ABCG8: variants seen among roughly 807,000 people sequenced by gnomAD.
ABCG8 encodes ATP-binding cassette sub-family G member 8.
In ABCG8, 81 loss-of-function variants were observed where a neutral mutation model predicts 71.3. That is an observed-to-expected ratio of 1.14 (90% CI 0.95 to 1.37). ABCG8 has a LOEUF of 1.37. Among genes scored for constraint, ABCG8 ranks in the 40% most tolerant of loss-of-function variants. ABCG8 has a pLI of 0.00. For synonymous variants in ABCG8, 451 were observed against 354.7 expected, an observed-to-expected ratio of 1.27 and a Z score of -3.05; for missense variants, 1,119 against 866.2, an observed-to-expected ratio of 1.29 and a Z score of -3.66.
chr2:43,852,845 A>T lies in ABCG8; in HGVS notation c.941A>T (p.Tyr314Phe). 6.2e-7 allele frequency: 1 copy of T among 1,614,076 alleles called. No individual in the cohort carries two copies. The highest frequency in any genetic ancestry group is 8.5e-7 in the Non-Finnish European group (1 of 1,180,014). ...GCCATCGGCTACCCCTGTCCTCGCTACAGCAATCCTGCTGACTTCTATGGT... is the reference window on the plus strand; with the variant it reads ...GCCATCGGCTACCCCTGTCCTCGCTTCAGCAATCCTGCTGACTTCTATGGT... The part of the protein sequence containing the change: ...FTAIGYPCPR[Y>F]SNPADFYVDL... The change falls in exon 6 of 13, where the codon TAC becomes TTC. Residue 314 changes from tyrosine (Y) to phenylalanine (F), a missense_variant. By Grantham distance (22) the Tyr-to-Phe change is conservative. Coordinates refer to ENST00000272286, the MANE Select transcript of ABCG8 (RefSeq NM_022437.3).
chr2:43,875,439 C>T (rs1275255382), intron 11 of ABCG8, 26 bp downstream of exon 11: 1 of 1,607,710 alleles, frequency 6.2e-7, no homozygotes, highest in South Asian at 1.1e-5. Context: ...GGGGCCTGGG[C>T]CAGCTTTGTT....
Position 43,851,774 on chromosome 2 carries a change from C to T in ABCG8, c.513C>T (p.Ala171=), listed in dbSNP as rs922692101. The change falls in exon 4 of 13, where the codon GCC becomes GCT. Residue 171 remains alanine, a synonymous_variant. Coordinates refer to ENST00000272286, the MANE Select transcript of ABCG8 (RefSeq NM_022437.3). The part of the protein sequence containing the change: ...LTVRETLAFI[A]QMRLPRTFSQ... ...TGCGAGAGACCTTGGCCTTCATTGC[C>T]CAGATGCGGCTGCCCAGAACCTTCT... 1 of 1,614,240 alleles carries T rather than the reference C, an allele frequency of 6.2e-7. No individual in the cohort carries two copies. The highest frequency in any genetic ancestry group is 1.7e-5 in the Admixed American group (1 of 60,028).
chr2:43,842,553 G>T (rs1668612761), intron 1 of ABCG8, among the ~76,000 whole-genome samples: 1 of 151,918 alleles, frequency 6.6e-6, no homozygotes, highest in Non-Finnish European at 1.5e-5. Flanking sequence ...GGGTTGAGGT[G>T]GGAATGGAAC....
At chr2:43,873,317 T>C (rs1181677258) in intron 8 of ABCG8, among the ~76,000 whole-genome samples, 1 of 151,612 alleles carries the variant, frequency 6.6e-6, no homozygotes, top group African/African-American at 2.4e-5. Context: ...GCCTCCCAAG[T>C]AGCTGGGATT....
In ABCG8 at chr2:43,872,138, G is replaced by A. The variant is rs757910244; in HGVS notation, c.1127G>A (p.Ser376Asn). ...CTTGACGAGGACACCTGTGTGGAAA[G>A]GTAAGGTGGCAGGCGACTCTGAGAG... ...KDLDEDTCVE[S>N]SVTPLDTNCL... The change falls in exon 7 of 13, where the codon AGC becomes AAC. Residue 376 changes from serine to asparagine, a missense_variant and splice_region_variant. Ser to Asn is a conservative substitution (Grantham distance 46, BLOSUM62 1). Coordinates refer to ENST00000272286, the MANE Select transcript of ABCG8 (RefSeq NM_022437.3). 10 of 1,614,096 alleles carry A rather than the reference G, an allele frequency of 6.2e-6. No individual in the cohort carries two copies. The South Asian group carries it at 1.1e-4, about 18-fold the overall frequency.
rs1670154308 is a variant in ABCG8, at chr2:43,882,303, A to G, written c.*4390A>G. The G allele has an allele frequency of 6.6e-6, 1 of 152,242 alleles. No individual in the cohort carries two copies. Among genetic ancestry groups the G allele is most frequent in the South Asian group, 2.1e-4 (1 of 4,828 alleles). 9.4% of individuals were successfully genotyped at this position (152,242 alleles called of 1,614,324 possible). ...GATCCCAAATTAAACAACTAGCAAC[A>G]GAAATGTTCAAATCTGTCAAATCCA... On this transcript the variant is annotated 3_prime_UTR_variant, in exon 13 of 13. Transcript: ENST00000272286.
chr2:43,874,558 A>G, intron 10 of ABCG8, 75 bp downstream of exon 10: 1 of 1,276,868 alleles, frequency 7.8e-7, no homozygotes, highest in South Asian at 1.2e-5. Flanking sequence ...ACGTTGCTAC[A>G]AGGAAGGCTT....
rs779091858 is a variant in ABCG8 at position 43,875,142 on chromosome 2, G to A, written c.1489-4G>A. The A allele has an allele frequency of 4.0e-5, 65 of 1,614,086 alleles. No homozygotes were observed. Among genetic ancestry groups the A allele is most frequent in the Non-Finnish European group, 5.2e-5 (61 of 1,180,052 alleles). On this transcript the variant is annotated splice_region_variant and splice_polypyrimidine_tract_variant and intron_variant, in intron 10 of 12. Coordinates refer to ENST00000272286, the MANE Select transcript of ABCG8 (RefSeq NM_022437.3). The stretch of plus-strand genomic sequence containing the variant: ...CATATCCTTGCAAGGGCTGTTCTTT[G>A]CAGATCCTCGGGGAGCTTCCGGAGC...
intron 6 of ABCG8, among the ~76,000 whole-genome samples, chr2:43,862,815 T>A (rs1669374568): frequency 2.0e-5 from 3 of 147,942 alleles, no homozygotes; most frequent in South Asian, 4.4e-4. Context: ...GATAATCTGG[T>A]TAGCACTCTT....
At chr2:43,855,812 T>A (rs539448790) in intron 6 of ABCG8, among the ~76,000 whole-genome samples, 2 of 151,558 alleles carry the variant, frequency 1.3e-5, no homozygotes, top group African/African-American at 4.8e-5. Context: ...CTGGATGGGA[T>A]TCTCCCTCTA....
At chr2:43,868,401 T>C (rs1669611656) in intron 6 of ABCG8, among the ~76,000 whole-genome samples, 1 of 150,820 alleles carries the variant, frequency 6.6e-6, no homozygotes, top group Non-Finnish European at 1.5e-5. Flanking sequence ...TGGATAGAAC[T>C]CTCACTATCT....
chr2:43,850,776 G>A (rs1440528669), intron 3 of ABCG8, among the ~76,000 whole-genome samples: 1 of 152,162 alleles, frequency 6.6e-6, no homozygotes, highest in Admixed American at 6.5e-5. Flanking sequence ...AGCCGGGCAT[G>A]GTAGCGCCTG....
intron 8 of ABCG8, among the ~76,000 whole-genome samples, chr2:43,873,320 C>T (rs909660583): frequency 6.6e-6 from 1 of 151,912 alleles, no homozygotes; most frequent in Non-Finnish European, 1.5e-5. Context: ...TCCCAAGTAG[C>T]TGGGATTACA....
chr2:43,864,640 A>C (rs1669456096), intron 6 of ABCG8, among the ~76,000 whole-genome samples: 1 of 151,654 alleles, frequency 6.6e-6, no homozygotes, highest in Non-Finnish European at 1.5e-5. Context: ...ATGTGGATAG[A>C]GCTCTCACTA....
rs768088681 is a variant in ABCG8 at position 43,877,695 on chromosome 2, G to A, written c.1884+7G>A. On this transcript the variant is annotated splice_region_variant and intron_variant, in intron 12 of 12. Coordinates refer to ENST00000272286, the MANE Select transcript of ABCG8 (RefSeq NM_022437.3). ...CGCGGTCTCAGGAGATAAAGTAAGC[G>A]GGGAAGGCCTCGGGTTCTAAATTAT... 1 of 1,613,888 alleles carries A rather than the reference G, an allele frequency of 6.2e-7. No homozygotes were observed. The highest frequency in any genetic ancestry group is 8.5e-7 in the Non-Finnish European group (1 of 1,179,864).
chr2:43,875,482 A>G (rs371734348), intron 11 of ABCG8, 69 bp downstream of exon 11: 2 of 1,560,908 alleles, frequency 1.3e-6, no homozygotes, highest in African/African-American at 2.7e-5. Context: ...GCCTGCTTTC[A>G]TCTGGAGATG....
At chr2:43,870,863 A>G (rs1467215556) in intron 6 of ABCG8, among the ~76,000 whole-genome samples, 1 of 150,696 alleles carries the variant, frequency 6.6e-6, no homozygotes, top group African/African-American at 2.4e-5. Flanking sequence ...TAGAACTCTC[A>G]CTCTCTGTCT....
chr2:43,867,666 G>C (rs944188308), intron 6 of ABCG8, among the ~76,000 whole-genome samples: 2 of 150,190 alleles, frequency 1.3e-5, no homozygotes, highest in African/African-American at 4.9e-5. Context: ...TCTCTGTATA[G>C]AACTCTCACT....
Position 43,880,526 on chromosome 2 carries a change from C to T in ABCG8, c.*2613C>T, listed in dbSNP as rs1319106837. 6.6e-6 allele frequency: 1 copy of T among 152,166 alleles called. No individual in the cohort carries two copies. The allele number at this position is 152,166 out of a possible 1,614,324, so 9.4% of individuals were successfully genotyped here. ...CTCAGCCCTGGAATCCGATGTTTCT[C>T]CAGAGAATCTGGGTTCCTCTTAGTG... is the stretch of plus-strand genomic sequence containing the variant. On this transcript the variant is annotated 3_prime_UTR_variant, in exon 13 of 13. Transcript: ENST00000272286.
Sources: gnomAD v4.1 joint callset for allele counts (sites outside exome capture counted in the v4.1 genomes callset) on GRCh38, gnomAD v4.1.1 for gene constraint, MANE v1.5 for transcripts, NCBI Gene and HGNC (gene_info 2026-07-23, HGNC 2026-07-21) for gene names.